The following ERG variants were observed in gnomAD, a reference collection of about 807,000 sequenced individuals.
ERG encodes the protein transcriptional regulator ERG.
In ERG, 9 loss-of-function variants were observed where a neutral mutation model predicts 55.3. The ratio of observed to expected loss-of-function variants is 0.16; its 90% CI spans 0.10 to 0.28. ERG has a LOEUF of 0.28. Among genes scored for constraint, ERG ranks in the 10% least tolerant of loss-of-function variants. ERG has a pLI of 1.00. For synonymous variants in ERG, 223 were observed against 237.3 expected (o/e 0.94, Z 0.55); for missense variants, 434 against 631.6 (o/e 0.69, Z 3.35).
chr21:38,590,219 T>C (rs549261818), intron 1 of ERG, among the ~76,000 whole-genome samples: 1 of 152,222 alleles, frequency 6.6e-6, no homozygotes, highest in East Asian at 1.9e-4. Context: ...ATACTTTAAA[T>C]TAAATTACTG....
At chr21:38,369,112 A>C in the ERG span, among the ~76,000 whole-genome samples, 1 of 152,042 alleles carries the variant, frequency 6.6e-6, no homozygotes, top group Non-Finnish European at 1.5e-5. Context: ...AATGTTTTAT[A>C]CTCCTTTGTG....
intron 6 of ERG, among the ~76,000 whole-genome samples, chr21:38,394,834 T>C (rs1181194800): frequency 6.6e-6 from 1 of 152,198 alleles, no homozygotes; most frequent in East Asian, 1.9e-4. Flanking sequence ...GGATTGCTTT[T>C]ACCCATGGCA....
chr21:38,408,203 C>T (rs373793302), intron 3 of ERG, among the ~76,000 whole-genome samples: 138 of 152,292 alleles, frequency 9.1e-4, no homozygotes, highest in Middle Eastern at 3.4e-3. Flanking sequence ...GCACCACTCT[C>T]CCAGACCCAC....
intron 1 of ERG, among the ~76,000 whole-genome samples, chr21:38,657,319 A>G (rs1379355910): frequency 4.6e-5 from 7 of 152,218 alleles, no homozygotes; most frequent in Non-Finnish European, 8.8e-5. Context: ...CTCATACGCA[A>G]TCAGGGTCTC....
At chr21:38,469,164 A>C (rs2059118814) in intron 1 of ERG, among the ~76,000 whole-genome samples, 1 of 151,936 alleles carries the variant, frequency 6.6e-6, no homozygotes, top group African/African-American at 2.4e-5. Flanking sequence ...TTTCAGTCAG[A>C]GAATCCAAGC....
intron 3 of ERG, among the ~76,000 whole-genome samples, chr21:38,415,037 C>T (rs1435263486): frequency 6.6e-6 from 1 of 152,198 alleles, no homozygotes; most frequent in Non-Finnish European, 1.5e-5. Flanking sequence ...AAGGCTGTTG[C>T]AGAATGTCTA....
At chr21:38,657,346 G>A (rs544293537) in intron 1 of ERG, among the ~76,000 whole-genome samples, 3 of 152,134 alleles carry the variant, frequency 2.0e-5, no homozygotes, top group African/African-American at 7.2e-5. Flanking sequence ...TATGACATGC[G>A]ACCCTAAAAA....
At chr21:38,429,374 T>C (rs1350600533) in intron 2 of ERG, among the ~76,000 whole-genome samples, 1 of 89,262 alleles carries the variant, frequency 1.1e-5, no homozygotes, top group African/African-American at 3.2e-5. Flanking sequence ...TATGTACACA[T>C]ATACATATAT....
upstream of ERG, among the ~76,000 whole-genome samples, chr21:38,586,910 G>A (rs972646871): frequency 5.3e-5 from 8 of 152,038 alleles, no homozygotes; most frequent in Non-Finnish European, 1.2e-4. Flanking sequence ...CAACATAAAC[G>A]CCCATAAAGA....
rs111369699 is a variant in ERG, at chr21:38,507,534, G to GTGAATGAATGAATGAA, written c.-41+68112_-41+68127dup. 1.3e-3 allele frequency among the ~76,000 whole-genome samples: 195 copies of GTGAATGAATGAATGAA among 150,280 alleles called. 2 individuals carry two copies. The highest frequency in any genetic ancestry group is 2.3e-3 in the African/African-American group (95 of 40,810). On this transcript the variant is annotated intron_variant, in intron 2 of 8. Coordinates refer to the ERG transcript ENST00000398897. Reference sequence around the variant, plus strand: ...CCCTCAACAAGCACTTACTGAATGAGTGAATGAATGAATGAATGAATGAAT... The same window carrying GTGAATGAATGAATGAA: ...CCCTCAACAAGCACTTACTGAATGAGTGAATGAATGAATGAATGAATGAATGAATGAATGAATGAAT...
Position 38,449,969 on chromosome 21 carries a change from G to C in ERG, c.19-4348C>G, listed in dbSNP as rs544040368. On this transcript the variant is annotated intron_variant, in intron 1 of 9. Transcript: ENST00000288319. The stretch of plus-strand genomic sequence containing the variant: ...AGATGGCCAGAACTAGGCCTCTCGA[G>C]AATTGGATTATCAAACCCACCTTCA... 2.0e-5 allele frequency among the ~76,000 whole-genome samples: 3 copies of C among 152,048 alleles called. No individual in the cohort carries two copies. The South Asian group carries it at 6.2e-4, about 32-fold the overall frequency.
chr21:38,403,747 G>C (rs1988628073), intron 3 of ERG, 38 bp from the exon 4 acceptor site: 1 of 1,591,506 alleles, frequency 6.3e-7, no homozygotes, highest in South Asian at 1.1e-5. Context: ...AATTCCTGAA[G>C]CCAGGGATCT....
intron 1 of ERG, among the ~76,000 whole-genome samples, chr21:38,629,533 T>C (rs1199486306): frequency 3.9e-5 from 6 of 151,998 alleles, no homozygotes; most frequent in South Asian, 2.1e-4. Flanking sequence ...AATGAGCACA[T>C]AGAAAAATAC....
intron 3 of ERG, among the ~76,000 whole-genome samples, chr21:38,408,880 G>A (rs958496083): frequency 3.9e-5 from 6 of 152,140 alleles, no homozygotes; most frequent in Non-Finnish European, 8.8e-5. Context: ...GTTTAGGTGC[G>A]ACCTTCTGCC....
At chr21:38,577,430 A>C (rs1244969037) in intron 1 of ERG, among the ~76,000 whole-genome samples, 1 of 151,994 alleles carries the variant, frequency 6.6e-6, no homozygotes, top group East Asian at 1.9e-4. Context: ...TAGGTCTTGG[A>C]AAATATGTAC....
intron 9 of ERG, among the ~76,000 whole-genome samples, chr21:38,388,910 C>T (rs775425356): frequency 6.6e-6 from 1 of 152,178 alleles, no homozygotes; most frequent in Non-Finnish European, 1.5e-5. Flanking sequence ...GCAAGTGACT[C>T]AGGCCCTATT....
At chr21:38,510,740 C>T (rs1487439710) in intron 2 of ERG, among the ~76,000 whole-genome samples, 1 of 152,180 alleles carries the variant, frequency 6.6e-6, no homozygotes, top group Non-Finnish European at 1.5e-5. Flanking sequence ...CACCTTTTAA[C>T]CACCTAATTT....
At chr21:38,569,984 A>G (rs1363676986) in intron 2 of ERG, among the ~76,000 whole-genome samples, 2 of 152,248 alleles carry the variant, frequency 1.3e-5, no homozygotes, top group East Asian at 1.9e-4. Context: ...TTATGTATCC[A>G]CTTTTCTGTA....
At chr21:38,442,113 G>C (rs1329546594) in intron 2 of ERG, among the ~76,000 whole-genome samples, 1 of 152,200 alleles carries the variant, frequency 6.6e-6, no homozygotes, top group Non-Finnish European at 1.5e-5. Context: ...TTCCTTGAAA[G>C]AAAATGTCAA....
Sources: gnomAD v4.1 joint callset for allele counts (sites outside exome capture counted in the v4.1 genomes callset) on GRCh38, gnomAD v4.1.1 for gene constraint, MANE v1.5 for transcripts, NCBI Gene and HGNC (gene_info 2026-07-23, HGNC 2026-07-21) for gene names.